NECTIN3: variants seen among roughly 807,000 people sequenced by gnomAD.
The protein encoded by NECTIN3 is nectin-3.
In NECTIN3, 8 loss-of-function variants were observed where a neutral mutation model predicts 49.4. That is an observed-to-expected ratio of 0.16 (90% CI 0.10 to 0.29). NECTIN3 has a LOEUF of 0.29. Ranked by LOEUF, NECTIN3 falls within the 10% of genes least tolerant of loss-of-function variation. The pLI, the probability that NECTIN3 is intolerant of heterozygous loss-of-function variation, is 1.00. For synonymous variants in NECTIN3, 277 were observed against 241.1 expected (o/e 1.15, Z -1.38); for missense variants, 581 against 654.6 (o/e 0.89, Z 1.23).
intron 5 of NECTIN3, among the ~76,000 whole-genome samples, chr3:111,131,646 C>A (rs2034394892): frequency 1.3e-5 from 2 of 151,660 alleles, no homozygotes; most frequent in African/African-American, 4.8e-5. Flanking sequence ...TTTCTCAAAG[C>A]CATATTTTGT....
intron 1 of NECTIN3, among the ~76,000 whole-genome samples, chr3:111,111,454 C>A (rs566867758): frequency 6.6e-6 from 1 of 152,120 alleles, no homozygotes; most frequent in Non-Finnish European, 1.5e-5. Flanking sequence ...TAGGGACCCT[C>A]CAAAAGAAGA....
intron 5 of NECTIN3, among the ~76,000 whole-genome samples, chr3:111,130,439 A>C (rs2107487941): frequency 6.6e-6 from 1 of 152,254 alleles, no homozygotes; most frequent in East Asian, 1.9e-4. Flanking sequence ...GTAGGCTTTT[A>C]CAAGAGTGAG....
At chr3:111,173,735 A>G (rs1178672887) in intron 7 of NECTIN3, among the ~76,000 whole-genome samples, 1 of 152,192 alleles carries the variant, frequency 6.6e-6, no homozygotes, top group Non-Finnish European at 1.5e-5. Context: ...CCTTTCATAG[A>G]CAAACAATAT....
At chr3:111,119,184 T>A (rs371468045) in intron 3 of NECTIN3, among the ~76,000 whole-genome samples, 67 of 152,218 alleles carry the variant, frequency 4.4e-4, no homozygotes, top group African/African-American at 1.6e-3. Flanking sequence ...TTTTAAGATC[T>A]TAAAAGTAGG....
At chr3:111,188,559 TA>T (rs1488596270), upstream of NECTIN3, among the ~76,000 whole-genome samples, 5 of 152,170 alleles carry the variant, frequency 3.3e-5, no homozygotes, top group African/African-American at 4.8e-5. Context: ...TCTGGCTATT[TA>T]AAAAAGTCTT....
At chr3:111,115,929 A>G (rs1373456562) in intron 2 of NECTIN3, among the ~76,000 whole-genome samples, 1 of 48,836 alleles carries the variant, frequency 2.0e-5, no homozygotes, top group African/African-American at 3.3e-5. Context: ...TTAAATGGGC[A>G]CATCTGAATA....
intron 1 of NECTIN3, among the ~76,000 whole-genome samples, chr3:111,083,094 C>G (rs2107369083): frequency 6.6e-6 from 1 of 152,268 alleles, no homozygotes; most frequent in East Asian, 1.9e-4. Flanking sequence ...GCTTCACTTG[C>G]TTGCCCACCA....
chr3:111,147,287 A>G (rs1417176818), intron 6 of NECTIN3: 8 of 727,866 alleles, frequency 1.1e-5, no homozygotes, highest in South Asian at 2.0e-5. Flanking sequence ...TAGAGTAAAT[A>G]TTATCTATAT....
chr3:111,128,555 A>C (rs900302407), intron 5 of NECTIN3, among the ~76,000 whole-genome samples: 1 of 152,054 alleles, frequency 6.6e-6, no homozygotes, highest in African/African-American at 2.4e-5. Flanking sequence ...TGATCTTTCT[A>C]TTGCTCCTTG....
chr3:111,135,524 A>T lies in NECTIN3; in HGVS notation c.*1309A>T, dbSNP rs1324866173. The T allele has an allele frequency of 2.0e-6, 2 of 982,262 alleles. No individual in the cohort carries two copies. Among genetic ancestry groups the T allele is most frequent in the South Asian group, 9.4e-5 (2 of 21,242 alleles). The allele number at this position is 982,262 out of a possible 1,614,324, so 60.8% of individuals were successfully genotyped here. A position where few individuals can be genotyped will look rare whatever the true frequency, so the allele number is the denominator to read the frequency against. ...ATTGCTTCTACAGTGGAGGCTTACA[A>T]AATTATTGTGACAACTATTTTGAAG... is the stretch of plus-strand genomic sequence containing the variant. On this transcript the variant is annotated 3_prime_UTR_variant, in exon 6 of 6. Coordinates refer to ENST00000485303, the MANE Select transcript of NECTIN3 (RefSeq NM_015480.3).
intron 5 of NECTIN3, among the ~76,000 whole-genome samples, chr3:111,131,294 G>C (rs2034379614): frequency 6.6e-6 from 1 of 151,894 alleles, no homozygotes; most frequent in African/African-American, 2.4e-5. Flanking sequence ...TTATCACACA[G>C]TCAGCAAAGA....
intron 1 of NECTIN3, chr3:111,193,136 T>C: frequency 2.1e-6 from 3 of 1,396,540 alleles, no homozygotes; most frequent in Non-Finnish European, 2.9e-6. Flanking sequence ...CTTGCCTGTT[T>C]TTACCAGTGC....
intron 1 of NECTIN3, among the ~76,000 whole-genome samples, chr3:111,105,793 A>C (rs770056703): frequency 1.3e-5 from 2 of 152,172 alleles, no homozygotes; most frequent in African/African-American, 4.8e-5. Context: ...CACTTCGTCT[A>C]CTGCCTCTGA....
chr3:111,170,992 C>T lies in NECTIN3; in HGVS notation c.1222-21359C>T, dbSNP rs550675744. Among the ~76,000 whole-genome samples the T allele has an allele frequency of 3.9e-5, 6 of 152,240 alleles. No homozygotes were observed. In the East Asian group the frequency reaches 1.2e-3, roughly 29 times the overall value. On this transcript the variant is annotated intron_variant, in intron 7 of 8. Transcript: ENST00000493615. ...TTAACTTCTATTCCTTGCTGCCTACCAACCAAGAGAACATATGTCATTACT... is the reference window on the plus strand; with the variant it reads ...TTAACTTCTATTCCTTGCTGCCTACTAACCAAGAGAACATATGTCATTACT...
Position 111,125,178 on chromosome 3 carries a change from G to T in NECTIN3, c.918-1006G>T, listed in dbSNP as rs544492714. Among the ~76,000 whole-genome samples the T allele has an allele frequency of 3.3e-5, 5 of 151,314 alleles. No individual in the cohort carries two copies. In the South Asian group the frequency reaches 1.0e-3, roughly 32 times the overall value. On this transcript the variant is annotated intron_variant, in intron 4 of 5. Transcript: ENST00000485303. ...CAAGTAGCTGGGATTACAGGCACCC[G>T]CCACCATGCCCAACTAATTTTTGTA...
rs2034585784 is a variant in NECTIN3, at chr3:111,136,662, A to G, written c.*2447A>G. ...AACTACTTGACAGGTATATATGAAAATTCTACTATCGTGAAAAAAAATGAA... is the reference window on the plus strand; with the variant it reads ...AACTACTTGACAGGTATATATGAAAGTTCTACTATCGTGAAAAAAAATGAA... On this transcript the variant is annotated 3_prime_UTR_variant, in exon 6 of 6. Coordinates refer to ENST00000485303, the MANE Select transcript of NECTIN3 (RefSeq NM_015480.3). 2.2e-6 allele frequency: 2 copies of G among 909,684 alleles called. No homozygotes were observed. Among genetic ancestry groups the G allele is most frequent in the Admixed American group, 6.2e-5 (1 of 16,044 alleles). The allele number at this position is 909,684 out of a possible 1,614,324, so 56.4% of individuals were successfully genotyped here. A position where few individuals can be genotyped will look rare whatever the true frequency, so the allele number is the denominator to read the frequency against.
Position 111,134,765 on chromosome 3 carries a change from A to G in NECTIN3, c.*550A>G, listed in dbSNP as rs1205075891. On this transcript the variant is annotated 3_prime_UTR_variant, in exon 6 of 6. Coordinates refer to ENST00000485303, the MANE Select transcript of NECTIN3 (RefSeq NM_015480.3). ...TTCAAACATTATTTTCTAAGTTTCT[A>G]TACAAATGAAATCTTTACCTCTGCA... 1.0e-5 allele frequency: 10 copies of G among 966,040 alleles called. No individual in the cohort carries two copies. The highest frequency in any genetic ancestry group is 1.2e-5 in the Non-Finnish European group (10 of 812,470). 59.8% of individuals were successfully genotyped at this position (966,040 alleles called of 1,614,324 possible). A position where few individuals can be genotyped will look rare whatever the true frequency, so the allele number is the denominator to read the frequency against.
chr3:111,166,875 A>G (rs571234041), intron 7 of NECTIN3, among the ~76,000 whole-genome samples: 1 of 152,372 alleles, frequency 6.6e-6, no homozygotes, highest in East Asian at 1.9e-4. Context: ...TAGGAATAAT[A>G]TATAAGTAGT....
Position 111,136,222 on chromosome 3 carries a change from G to C in NECTIN3, c.*2007G>C, listed in dbSNP as rs1424451347. Reference sequence around the variant, plus strand: ...ATCTGAACAGAATAATCACATTTAGGATTCTATATAAATCTCAACTGGAGT... The same window carrying C: ...ATCTGAACAGAATAATCACATTTAGCATTCTATATAAATCTCAACTGGAGT... On this transcript the variant is annotated 3_prime_UTR_variant, in exon 6 of 6. Transcript: ENST00000485303. The C allele has an allele frequency of 1.0e-6, 1 of 961,712 alleles. No homozygotes were observed. The highest frequency in any genetic ancestry group is 1.2e-4 in the East Asian group (1 of 8,690). The allele number at this position is 961,712 out of a possible 1,614,324, so 59.6% of individuals were successfully genotyped here. A position where few individuals can be genotyped will look rare whatever the true frequency, so the allele number is the denominator to read the frequency against.
Sources: allele counts gnomAD v4.1 joint callset (sites outside exome capture counted in the v4.1 genomes callset), GRCh38; gene constraint gnomAD v4.1.1; transcripts MANE v1.5; gene names NCBI Gene and HGNC (gene_info 2026-07-23, HGNC 2026-07-21).